The following FRK variants were observed in gnomAD, a reference collection of about 807,000 sequenced individuals.
FRK encodes the protein fyn related Src family tyrosine kinase.
FRK carries 51 observed loss-of-function variants against 56.4 expected under a neutral mutation model. That is an observed-to-expected ratio of 0.90 (90% CI 0.72 to 1.14). The LOEUF (loss-of-function observed/expected upper bound fraction) is 1.14. Among genes scored for constraint, FRK ranks in the 50% most tolerant of loss-of-function variants. The pLI is 0.00. For synonymous variants in FRK, 245 were observed against 217.9 expected, an observed-to-expected ratio of 1.12 and a Z score of -1.10; for missense variants, 570 against 601.4, an observed-to-expected ratio of 0.95 and a Z score of 0.55.
the FRK span, among the ~76,000 whole-genome samples, chr6:116,068,868 CATT>C: frequency 6.6e-6 from 1 of 151,602 alleles, no homozygotes; most frequent in Non-Finnish European, 1.5e-5. Flanking sequence ...CTTTTTGTTT[CATT>C]CTTTGGCACT....
At chr6:116,083,932 A>G in the FRK span, among the ~76,000 whole-genome samples, 10 of 151,878 alleles carry the variant, frequency 6.6e-5, no homozygotes, top group African/African-American at 2.4e-4. Flanking sequence ...AAGCACTGGG[A>G]TTACAGGCAT....
intron 4 of FRK, among the ~76,000 whole-genome samples, chr6:115,960,412 TG>T (rs1470675223): frequency 1.3e-5 from 2 of 150,460 alleles, no homozygotes; most frequent in Non-Finnish European, 3.0e-5. Context: ...GGAATCTCGC[TG>T]ATTGCTAGCA....
At chr6:115,988,516 A>T (rs1774470786) in intron 2 of FRK, among the ~76,000 whole-genome samples, 1 of 152,044 alleles carries the variant, frequency 6.6e-6, no homozygotes, top group South Asian at 2.1e-4. Context: ...TTTATGAATT[A>T]ATGGGTCATG....
the FRK span, among the ~76,000 whole-genome samples, chr6:116,095,704 A>G: frequency 6.6e-6 from 1 of 152,160 alleles, no homozygotes; most frequent in East Asian, 1.9e-4. Context: ...TTCTCAAACA[A>G]TTTGCAAGAA....
intron 1 of FRK, chr6:116,039,487 A>C: frequency 6.6e-7 from 1 of 1,510,578 alleles, no homozygotes; most frequent in East Asian, 2.3e-5. Context: ...CATCAATGCC[A>C]AACAATGAGC....
At chr6:116,071,094 A>T in the FRK span, among the ~76,000 whole-genome samples, 3 of 152,180 alleles carry the variant, frequency 2.0e-5, no homozygotes, top group Admixed American at 6.5e-5. Context: ...CATTTTGGAA[A>T]AGTAACTGAG....
intron 2 of FRK, among the ~76,000 whole-genome samples, chr6:115,972,883 C>A (rs1020984202): frequency 6.6e-6 from 1 of 152,110 alleles, no homozygotes; most frequent in African/African-American, 2.4e-5. Context: ...CAACTTGGGG[C>A]CTTGTGACTC....
At chr6:115,981,978 CT>C (rs1227016585) in intron 2 of FRK, among the ~76,000 whole-genome samples, 1 of 152,016 alleles carries the variant, frequency 6.6e-6, no homozygotes, top group African/African-American at 2.4e-5. Flanking sequence ...GTGATGGTTA[CT>C]TTTATGTGTC....
At chr6:116,064,461 CAG>C, upstream of FRK, among the ~76,000 whole-genome samples, 1 of 151,942 alleles carries the variant, frequency 6.6e-6, no homozygotes, top group South Asian at 2.1e-4. Context: ...GTGGGAGAGA[CAG>C]AGATAAAAAT....
At chr6:116,075,916 A>C in the FRK span, among the ~76,000 whole-genome samples, 21 of 151,856 alleles carry the variant, frequency 1.4e-4, no homozygotes, top group Non-Finnish European at 1.5e-5. Flanking sequence ...GAACACAAAA[A>C]TTTAATGAGA....
Position 116,060,007 on chromosome 6 carries a change from G to C in FRK, c.305C>G (p.Ser102Cys). Residue 102 changes from serine to cysteine, a missense_variant, in exon 1 of 8, where the codon TCT becomes TGT. By Grantham distance (112) the Ser-to-Cys change is moderately radical. Transcript: ENST00000606080. ...SSQQLQGYIPSNYVAEDRSLQ... is the reference protein window; with the variant it reads ...SSQQLQGYIPCNYVAEDRSLQ... ...GCTTCTGTCCTCAGCCACGTAGTTA[G>C]AAGGAATATAGCCTTGTAGTTGCTG... is the stretch of plus-strand genomic sequence containing the variant. 1 of 1,614,186 alleles carries C rather than the reference G, an allele frequency of 6.2e-7. No individual in the cohort carries two copies. Among genetic ancestry groups the C allele is most frequent in the East Asian group, 2.2e-5 (1 of 44,880 alleles).
chr6:116,008,557 T>G (rs778998325), intron 1 of FRK, among the ~76,000 whole-genome samples: 122 of 152,342 alleles, frequency 8.0e-4, no homozygotes, highest in Non-Finnish European at 7.1e-4. Context: ...CTAGGGCAAG[T>G]GCTGCTGTGG....
the FRK span, among the ~76,000 whole-genome samples, chr6:116,099,143 G>A: frequency 4.6e-5 from 7 of 152,292 alleles, no homozygotes; most frequent in African/African-American, 1.7e-4. Context: ...CTTTAAGAGT[G>A]CCCTGGTTCC....
intron 2 of FRK, among the ~76,000 whole-genome samples, chr6:115,974,370 A>G (rs1773917139): frequency 6.6e-6 from 1 of 152,222 alleles, no homozygotes; most frequent in South Asian, 2.1e-4. Flanking sequence ...GCTACCGATT[A>G]TATAAAGAAA....
intron 1 of FRK, chr6:116,038,945 G>C: frequency 4.5e-6 from 3 of 664,264 alleles, no homozygotes; most frequent in Non-Finnish European, 8.7e-6. Flanking sequence ...TGGCTGCGCA[G>C]AACTGCTACA....
chr6:116,066,503 C>G, the FRK span, among the ~76,000 whole-genome samples: 4 of 152,056 alleles, frequency 2.6e-5, no homozygotes, highest in African/African-American at 9.7e-5. Flanking sequence ...CTGACTAATA[C>G]AGCAACTTAT....
At chr6:116,055,667 T>TAA (rs1439075981) in intron 1 of FRK, among the ~76,000 whole-genome samples, 12 of 152,162 alleles carry the variant, frequency 7.9e-5, no homozygotes, top group African/African-American at 2.9e-4. Flanking sequence ...AAAGCCAAAT[T>TAA]ATATATATAT....
chr6:116,056,728 G>T (rs1166248235), intron 1 of FRK, among the ~76,000 whole-genome samples: 1 of 152,112 alleles, frequency 6.6e-6, no homozygotes, highest in East Asian at 1.9e-4. Flanking sequence ...CTAAGGGCAA[G>T]GTTTTCGAGG....
chr6:116,052,413 G>C (rs1431107467), intron 1 of FRK, among the ~76,000 whole-genome samples: 1 of 152,096 alleles, frequency 6.6e-6, no homozygotes, highest in East Asian at 1.9e-4. Context: ...AAAGACCTGA[G>C]ATTTGTAGAT....
Sources: allele counts gnomAD v4.1 joint callset (sites outside exome capture counted in the v4.1 genomes callset), GRCh38; gene constraint gnomAD v4.1.1; transcripts MANE v1.5; gene names NCBI Gene and HGNC (gene_info 2026-07-23, HGNC 2026-07-21).